Variants in KCNJ6 observed in about 807,000 individuals in gnomAD.
KCNJ6 encodes G protein-activated inward rectifier potassium channel 2.
In KCNJ6, 9 loss-of-function variants were observed where a neutral mutation model predicts 34.2. That is an observed-to-expected ratio of 0.26 (90% CI 0.16 to 0.46). KCNJ6 has a LOEUF of 0.46. Among genes scored for constraint, KCNJ6 ranks in the 20% least tolerant of loss-of-function variants. The pLI is 1.00. For synonymous variants in KCNJ6, 196 were observed against 207.1 expected, an observed-to-expected ratio of 0.95 and a Z score of 0.46; for missense variants, 236 against 531.3, an observed-to-expected ratio of 0.44 and a Z score of 5.46.
At chr21:37,788,156 C>T (rs1259214977) in intron 2 of KCNJ6, among the ~76,000 whole-genome samples, 1 of 152,294 alleles carries the variant, frequency 6.6e-6, no homozygotes, top group East Asian at 1.9e-4. Flanking sequence ...TCATGGATTT[C>T]TAGTTTTCCT....
chr21:37,851,987 C>T (rs1239951531), intron 1 of KCNJ6, among the ~76,000 whole-genome samples: 1 of 151,808 alleles, frequency 6.6e-6, no homozygotes, highest in East Asian at 1.9e-4. Flanking sequence ...GACAAAAATG[C>T]CCCAAGCTTG....
intron 2 of KCNJ6, among the ~76,000 whole-genome samples, chr21:37,792,900 C>T (rs960691188): frequency 6.6e-6 from 1 of 152,144 alleles, no homozygotes; most frequent in Non-Finnish European, 1.5e-5. Flanking sequence ...CTGCTACTTC[C>T]ACTACATAGA....
rs1338610110 is a variant in KCNJ6, at chr21:37,612,642, G to C, written c.*12517C>G. The C allele has an allele frequency of 6.7e-6, 1 of 149,718 alleles. No homozygotes were observed. Among genetic ancestry groups the C allele is most frequent in the Non-Finnish European group, 1.5e-5 (1 of 67,830 alleles). The allele number at this position is 149,718 out of a possible 1,614,324, so 9.3% of individuals were successfully genotyped here. A position where few individuals can be genotyped will look rare whatever the true frequency, so the allele number is the denominator to read the frequency against. ...ATATAGTTAACTGATCCTTGGCAAA[G>C]GAGCACAGGCAAAACAGTGCGGCAA... On this transcript the variant is annotated 3_prime_UTR_variant, in exon 4 of 4. Transcript: ENST00000609713.
chr21:37,649,838 C>T (rs760835786), intron 3 of KCNJ6, among the ~76,000 whole-genome samples: 83 of 152,254 alleles, frequency 5.5e-4, no homozygotes, highest in Middle Eastern at 6.8e-3. Flanking sequence ...CTGCAAACTC[C>T]GCCTCCCAGG....
At position 37,714,634 on chromosome 21, in the gene KCNJ6, AT is replaced by A. The variant is rs2054779987; in HGVS notation, c.522del (p.Gln174HisfsTer18). The A allele has an allele frequency of 6.2e-7, 1 of 1,614,000 alleles. No homozygotes were observed. The highest frequency in any genetic ancestry group is 1.7e-5 in the Admixed American group (1 of 60,010). On this transcript the variant is annotated frameshift_variant, in exon 3 of 4. Coordinates refer to ENST00000609713, the MANE Select transcript of KCNJ6 (RefSeq NM_002240.5). LOFTEE classifies it high-confidence loss of function. The surrounding 1 kb of genome is among the most constrained non-coding windows in gnomAD (Gnocchi z 5.9). Reference sequence around the variant, plus strand: ...GCATTGACAATGGACCCCAACACAGATTGGATTAAGAGAAGAATAATTCCCT... The same window carrying A: ...GCATTGACAATGGACCCCAACACAGATGGATTAAGAGAAGAATAATTCCCT... Reference protein sequence around the residue: ...CPEGIILLLIQSVLGSIVNAF... With the variant: ...CPEGIILLLIXSVLGSIVNAF...
intron 2 of KCNJ6, among the ~76,000 whole-genome samples, chr21:37,759,504 T>C (rs892075542): frequency 6.6e-6 from 1 of 152,076 alleles, no homozygotes; most frequent in Non-Finnish European, 1.5e-5. Context: ...AGGGTCTTGC[T>C]CCTCCCTGTG....
At chr21:37,687,324 G>A (rs3787812) in intron 3 of KCNJ6, among the ~76,000 whole-genome samples, 11,378 of 152,048 alleles carry the variant, frequency 0.075, 1,071 homozygotes, top group African/African-American at 0.21. Flanking sequence ...ATGCAAGCAA[G>A]CAAACACTTC....
intron 2 of KCNJ6, among the ~76,000 whole-genome samples, chr21:37,772,635 A>T (rs553404626): frequency 6.6e-6 from 1 of 152,336 alleles, no homozygotes; most frequent in Non-Finnish European, 1.5e-5. Flanking sequence ...TTGGCACCTT[A>T]GTATTTTCTG....
chr21:37,817,420 C>T (rs2055352034), intron 2 of KCNJ6, among the ~76,000 whole-genome samples: 1 of 152,152 alleles, frequency 6.6e-6, no homozygotes, highest in Admixed American at 6.5e-5. Context: ...AAGTGCTATG[C>T]AAATACTGAC....
At chr21:37,731,190 C>T (rs776754607) in intron 2 of KCNJ6, among the ~76,000 whole-genome samples, 10 of 152,046 alleles carry the variant, frequency 6.6e-5, no homozygotes, top group Admixed American at 1.3e-4. Context: ...TCTTGCCTCA[C>T]TCCTGTGTTA....
At chr21:37,845,405 A>AGG (rs2055501901) in intron 1 of KCNJ6, among the ~76,000 whole-genome samples, 1 of 151,780 alleles carries the variant, frequency 6.6e-6, no homozygotes, top group African/African-American at 2.4e-5. Context: ...GGAGAGAGAG[A>AGG]AAGAGAGCAC....
rs1021153345 is a variant in KCNJ6 at position 37,660,541 on chromosome 21, A to G, written c.947-35057T>C. ...GACCTTGCCCCTTCCATTCCCTACTATGGCCACAGAATGCATTGTTCCCAT... is the reference window on the plus strand; with the variant it reads ...GACCTTGCCCCTTCCATTCCCTACTGTGGCCACAGAATGCATTGTTCCCAT... On this transcript the variant is annotated intron_variant, in intron 3 of 3. Coordinates refer to ENST00000609713, the MANE Select transcript of KCNJ6 (RefSeq NM_002240.5). Among the ~76,000 whole-genome samples, 3 of 152,126 alleles carry G rather than the reference A, an allele frequency of 2.0e-5. No individual in the cohort carries two copies. The East Asian group carries it at 5.8e-4, about 29-fold the overall frequency.
intron 3 of KCNJ6, among the ~76,000 whole-genome samples, chr21:37,650,379 G>T (rs1252203959): frequency 6.6e-6 from 1 of 152,140 alleles, no homozygotes; most frequent in African/African-American, 2.4e-5. Context: ...CAGTTTCCTT[G>T]TGTGTGAAAA....
In KCNJ6 at chr21:37,725,553, T is replaced by C. The variant is rs190957018; in HGVS notation, c.26-10422A>G. Among the ~76,000 whole-genome samples, 6 of 152,384 alleles carry C rather than the reference T, an allele frequency of 3.9e-5. No individual in the cohort carries two copies. The East Asian group carries it at 7.7e-4, about 20-fold the overall frequency. ...TGTTGGGAGAGGAAGTGTAATTTCATACTTGTATGTATTATGTGTAATAGC... is the reference window on the plus strand; with the variant it reads ...TGTTGGGAGAGGAAGTGTAATTTCACACTTGTATGTATTATGTGTAATAGC... On this transcript the variant is annotated intron_variant, in intron 2 of 3. Transcript: ENST00000609713.
chr21:37,825,553 A>C (rs1715392278), intron 2 of KCNJ6, among the ~76,000 whole-genome samples: 2 of 152,108 alleles, frequency 1.3e-5, no homozygotes, highest in Admixed American at 1.3e-4. Context: ...CTATTTTCTT[A>C]CTTAAAGTGT....
At chr21:37,743,753 T>TA (rs2054952670) in intron 2 of KCNJ6, among the ~76,000 whole-genome samples, 1 of 151,720 alleles carries the variant, frequency 6.6e-6, no homozygotes, top group Non-Finnish European at 1.5e-5. Context: ...GGTATTCTGT[T>TA]ACAGAAGCTA....
At chr21:37,688,343 C>T (rs1399165786) in intron 3 of KCNJ6, among the ~76,000 whole-genome samples, 5 of 151,180 alleles carry the variant, frequency 3.3e-5, no homozygotes, top group Non-Finnish European at 7.4e-5. Flanking sequence ...CTCTTGAGTA[C>T]TAGAGATACA....
chr21:37,878,109 A>G (rs1352584652), intron 1 of KCNJ6, among the ~76,000 whole-genome samples: 1 of 152,214 alleles, frequency 6.6e-6, no homozygotes, highest in Non-Finnish European at 1.5e-5. Flanking sequence ...CACGGTGGAA[A>G]CAATAAGCAC....
At chr21:37,748,759 T>C (rs1035217550) in intron 2 of KCNJ6, among the ~76,000 whole-genome samples, 2 of 152,218 alleles carry the variant, frequency 1.3e-5, no homozygotes, top group African/African-American at 4.8e-5. Context: ...TGCAAATTCA[T>C]ACTTGGCTTT....
Sources: gnomAD v4.1 joint callset for allele counts (sites outside exome capture counted in the v4.1 genomes callset) on GRCh38, gnomAD v4.1.1 for gene constraint, Gnocchi (gnomAD v3.1) non-coding constraint, MANE v1.5 for transcripts, NCBI Gene and HGNC (gene_info 2026-07-23, HGNC 2026-07-21) for gene names.